DCAF12: variants seen among roughly 807,000 people sequenced by gnomAD.
DCAF12 encodes the protein DDB1- and CUL4-associated factor 12.
In DCAF12, 28 loss-of-function variants were observed where a neutral mutation model predicts 52.8. The ratio of observed to expected loss-of-function variants is 0.53; its 90% CI spans 0.39 to 0.73. DCAF12 has a LOEUF of 0.73. Among genes scored for constraint, DCAF12 ranks in the 30% least tolerant of loss-of-function variants. DCAF12 has a pLI of 0.00. For missense variants in DCAF12, 425 were observed against 552.2 expected (o/e 0.77, Z 2.31); for synonymous variants, 196 against 215.5 (o/e 0.91, Z 0.79).
chr9:34,118,442 A>G (rs1011449889), intron 2 of DCAF12, among the ~76,000 whole-genome samples: 6 of 151,912 alleles, frequency 3.9e-5, no homozygotes, highest in Admixed American at 6.6e-5. Context: ...CCTGAAATTG[A>G]TTTCTATATA....
chr9:34,094,929 CAT>C (rs1027518262), intron 6 of DCAF12, among the ~76,000 whole-genome samples: 4 of 152,250 alleles, frequency 2.6e-5, no homozygotes, highest in South Asian at 2.1e-4. Flanking sequence ...ATCTTATACA[CAT>C]AGAGTGAAGG....
At chr9:34,104,246 ACT>A (rs1363414763) in intron 4 of DCAF12, among the ~76,000 whole-genome samples, 9 of 151,886 alleles carry the variant, frequency 5.9e-5, no homozygotes, top group Admixed American at 1.3e-4. Flanking sequence ...ACAGAGCGAG[ACT>A]CTGTCTCAAA....
intron 2 of DCAF12, chr9:34,109,977 TATAA>T (rs1564099654): frequency 6.6e-6 from 1 of 152,398 alleles, no homozygotes; most frequent in African/African-American, 2.4e-5. Flanking sequence ...TGGATACATA[TATAA>T]ATATTTAAAT....
intron 2 of DCAF12, among the ~76,000 whole-genome samples, chr9:34,121,739 T>C (rs1829177804): frequency 6.6e-6 from 1 of 152,044 alleles, no homozygotes; most frequent in African/African-American, 2.4e-5. Flanking sequence ...GGTCAGAAGA[T>C]CGAGACCATC....
At chr9:34,117,562 T>C (rs772257003) in intron 2 of DCAF12, among the ~76,000 whole-genome samples, 58 of 152,162 alleles carry the variant, frequency 3.8e-4, no homozygotes, top group South Asian at 1.9e-3. Flanking sequence ...ACATAAACTT[T>C]GACAACATAC....
intron 5 of DCAF12, among the ~76,000 whole-genome samples, chr9:34,097,165 T>C (rs1587732477): frequency 6.6e-6 from 1 of 151,830 alleles, no homozygotes; most frequent in African/African-American, 2.4e-5. Context: ...ACAGATGGGA[T>C]AGGAGGTTGA....
At chr9:34,088,965 C>T (rs1828602488) in intron 8 of DCAF12, among the ~76,000 whole-genome samples, 1 of 151,758 alleles carries the variant, frequency 6.6e-6, no homozygotes, top group Non-Finnish European at 1.5e-5. Flanking sequence ...AATAAATTAG[C>T]CGGGCACAGT....
At chr9:34,108,196 T>C (rs897004762) in intron 2 of DCAF12, among the ~76,000 whole-genome samples, 4 of 152,192 alleles carry the variant, frequency 2.6e-5, no homozygotes, top group Non-Finnish European at 5.9e-5. Flanking sequence ...AAATGCTTTA[T>C]GGAAAAATCA....
chr9:34,124,601 A>C (rs930111573), intron 2 of DCAF12, among the ~76,000 whole-genome samples: 1 of 152,230 alleles, frequency 6.6e-6, no homozygotes, highest in Non-Finnish European at 1.5e-5. Flanking sequence ...ACTAAAAAAC[A>C]GCCAAGTGTG....
chr9:34,088,889 C>T (rs1015860174), intron 8 of DCAF12, among the ~76,000 whole-genome samples: 8 of 152,006 alleles, frequency 5.3e-5, no homozygotes, highest in African/African-American at 1.7e-4. Flanking sequence ...GTGAGAGAAT[C>T]ACTTGAGCCC....
intron 2 of DCAF12, among the ~76,000 whole-genome samples, chr9:34,119,950 T>C (rs903768333): frequency 1.4e-4 from 21 of 151,848 alleles, no homozygotes; most frequent in African/African-American, 4.4e-4. Flanking sequence ...CAAGTGATCT[T>C]CCTGTCTCAG....
At position 34,106,438 on chromosome 9, in the gene DCAF12, C is replaced by T. The variant is rs745401504; in HGVS notation, c.597G>A (p.Val199=). ...SIAWISDTMA[V]SGSRDGSMGL... ...CCTATAAAAGGGCAACTTTACCAGACACTGCCATAGTGTCGCTGATCCATG... is the reference window on the plus strand; with the variant it reads ...CCTATAAAAGGGCAACTTTACCAGATACTGCCATAGTGTCGCTGATCCATG... The change falls in exon 4 of 9, where the codon GTG becomes GTA. Residue 199 remains valine, a synonymous_variant. Coordinates refer to ENST00000361264, the MANE Select transcript of DCAF12 (RefSeq NM_015397.4). The T allele has an allele frequency of 1.2e-6, 2 of 1,606,314 alleles. No homozygotes were observed. The highest frequency in any genetic ancestry group is 1.7e-6 in the Non-Finnish European group (2 of 1,174,974).
chr9:34,125,338 G>A, intron 1 of DCAF12, 61 bp from the exon 2 acceptor site: 7 of 1,568,976 alleles, frequency 4.5e-6, no homozygotes, highest in Non-Finnish European at 2.6e-6. Flanking sequence ...AGATCCTACT[G>A]TATTACAGAA....
chr9:34,108,809 AT>A (rs1175397932), intron 2 of DCAF12, among the ~76,000 whole-genome samples: 32 of 130,806 alleles, frequency 2.4e-4, no homozygotes, highest in Admixed American at 7.1e-4. Context: ...AAATAAATAA[AT>A]AAATATATAT....
chr9:34,091,778 C>T (rs1828648998), intron 7 of DCAF12, among the ~76,000 whole-genome samples: 1 of 151,348 alleles, frequency 6.6e-6, no homozygotes, highest in African/African-American at 2.4e-5. Context: ...CTCAGGATAA[C>T]ACAGCCATAT....
rs1034360347 is a variant in DCAF12 at position 34,087,508 on chromosome 9, C to G, written c.*842G>C. The G allele has an allele frequency of 6.6e-6, 1 of 152,204 alleles. No individual in the cohort carries two copies. Among genetic ancestry groups the G allele is most frequent in the African/African-American group, 2.4e-5 (1 of 41,438 alleles). 9.4% of individuals were successfully genotyped at this position (152,204 alleles called of 1,614,324 possible). On this transcript the variant is annotated 3_prime_UTR_variant, in exon 9 of 9. Transcript: ENST00000361264. ...CCTTTTGTAGCCTCTGGAGCTGCAC[C>G]TGGATGGTGAGTCTGATGTTTTAGG...
intron 6 of DCAF12, among the ~76,000 whole-genome samples, chr9:34,094,387 CA>C (rs1828699905): frequency 6.6e-6 from 1 of 151,872 alleles, no homozygotes; most frequent in South Asian, 2.1e-4. Flanking sequence ...GCCTGGGCAA[CA>C]AAGTGAGACT....
chr9:34,092,684 C>CA (rs554169645), intron 7 of DCAF12, among the ~76,000 whole-genome samples: 25,637 of 135,498 alleles, frequency 0.19, 2,616 homozygotes, highest in Non-Finnish European at 0.23. Context: ...GACTCTGTCT[C>CA]AAAAAAAAAA....
At chr9:34,120,428 T>G (rs1220750608) in intron 2 of DCAF12, among the ~76,000 whole-genome samples, 6 of 151,540 alleles carry the variant, frequency 4.0e-5, no homozygotes, top group Admixed American at 4.0e-4. Context: ...CCCAGCACTT[T>G]GGGAGGCTGA....
Sources: gnomAD v4.1 joint callset for allele counts (sites outside exome capture counted in the v4.1 genomes callset) on GRCh38, gnomAD v4.1.1 for gene constraint, MANE v1.5 for transcripts, NCBI Gene and HGNC (gene_info 2026-07-23, HGNC 2026-07-21) for gene names.